The following CD55 variants were observed in gnomAD, a reference collection of about 807,000 sequenced individuals.
CD55 encodes CD55 molecule (Cromer blood group).
Under a neutral mutation model 45.8 loss-of-function variants are expected in CD55, and 41 were observed. That is an observed-to-expected ratio of 0.90 (90% confidence interval 0.70 to 1.16). CD55 has a LOEUF of 1.16. CD55 is among the 50% of genes most tolerant of loss of function. The pLI, the probability that CD55 is intolerant of heterozygous loss-of-function variation, is 0.00. For synonymous variants in CD55, 181 were observed against 181.1 expected, an observed-to-expected ratio of 1.00 and a Z score of 0.01; for missense variants, 416 against 469.8, an observed-to-expected ratio of 0.89 and a Z score of 1.06.
At chr1:207,339,899 CTG>C (rs1655346321) in intron 9 of CD55, among the ~76,000 whole-genome samples, 1 of 152,138 alleles carries the variant, frequency 6.6e-6, no homozygotes, top group Admixed American at 6.5e-5. Context: ...CATGCATGGA[CTG>C]TGTGATTCTC....
chr1:207,358,043 T>C (rs540967984), intron 9 of CD55, among the ~76,000 whole-genome samples: 1 of 152,326 alleles, frequency 6.6e-6, no homozygotes, highest in Non-Finnish European at 1.5e-5. Flanking sequence ...AAACCACAGA[T>C]AAGCAGACTA....
intron 9 of CD55, chr1:207,340,766 A>G: frequency 4.5e-6 from 2 of 446,150 alleles, no homozygotes. Flanking sequence ...GAATGCACAT[A>G]TCTTTTTGAT....
At chr1:207,357,140 A>G (rs890908560) in intron 9 of CD55, among the ~76,000 whole-genome samples, 5 of 152,192 alleles carry the variant, frequency 3.3e-5, no homozygotes, top group South Asian at 2.1e-4. Context: ...TCTTTAACTC[A>G]CTAAATGAGT....
chr1:207,347,538 G>A (rs1216590320), intron 9 of CD55: 3 of 255,476 alleles, frequency 1.2e-5, no homozygotes, highest in Non-Finnish European at 2.4e-5. Context: ...GGGATTACAG[G>A]CGTGAGCCAC....
In CD55 at chr1:207,359,926, G is replaced by GT. The variant is rs1176662094; in HGVS notation, c.*317dup. 3 of 236,716 alleles carry GT rather than the reference G, an allele frequency of 1.3e-5. No individual in the cohort carries two copies. The highest frequency in any genetic ancestry group is 2.4e-5 in the Non-Finnish European group (3 of 124,270). 14.7% of individuals were successfully genotyped at this position (236,716 alleles called of 1,614,324 possible). On this transcript the variant is annotated 3_prime_UTR_variant, in exon 10 of 10. Coordinates refer to ENST00000367064, the MANE Select transcript of CD55 (RefSeq NM_000574.5). Reference sequence around the variant, plus strand: ...GGATCACGAGGAAAAGAGAAGGAAAGTGATTTTTTTCCACAAGATCTGTAA... The same window carrying GT: ...GGATCACGAGGAAAAGAGAAGGAAAGTTGATTTTTTTCCACAAGATCTGTAA...
intron 9 of CD55, among the ~76,000 whole-genome samples, chr1:207,358,304 A>G (rs1464038905): frequency 6.6e-6 from 1 of 152,202 alleles, no homozygotes; most frequent in Non-Finnish European, 1.5e-5. Flanking sequence ...AAGACAGGAT[A>G]TAGTTAATGT....
chr1:207,328,494 G>A (rs1654786859), intron 5 of CD55, among the ~76,000 whole-genome samples: 1 of 152,208 alleles, frequency 6.6e-6, no homozygotes, highest in Admixed American at 6.5e-5. Context: ...ATATGGATAC[G>A]AAGAAGGAAA....
At chr1:207,325,867 T>C (rs977187996) in intron 4 of CD55, 146 bp downstream of exon 4, 2 of 425,680 alleles carry the variant, frequency 4.7e-6, no homozygotes, top group Non-Finnish European at 8.4e-6. Flanking sequence ...CATCATGAGC[T>C]CATCACAGTT....
rs567156112 is a variant in CD55 at position 207,326,823 on chromosome 1, T to G, written c.650T>G (p.Leu217Trp). 2.1e-5 allele frequency: 34 copies of G among 1,613,188 alleles called. No homozygotes were observed. In the East Asian group the frequency reaches 6.0e-4, roughly 29 times the overall value. The change falls in exon 5 of 10, where the codon TTG (leucine) becomes TGG (tryptophan). Residue 217 changes from leucine to tryptophan, a missense_variant. By Grantham distance (61) the Leu-to-Trp change is moderately conservative. Coordinates refer to ENST00000367064, the MANE Select transcript of CD55 (RefSeq NM_000574.5). ...SGSSVQWSDP[L>W]PECREIYCPA... ...AGCTCTGTCCAGTGGAGTGACCCGT[T>G]GCCAGAGTGCAGAGGTAAGAGTTAA...
intron 9 of CD55, chr1:207,347,580 T>C: frequency 4.5e-6 from 1 of 222,734 alleles, no homozygotes; most frequent in South Asian, 5.9e-5. Context: ...ATTTTTTTTC[T>C]TCCACCTTTT....
chr1:207,350,749 A>G (rs1046059934), intron 9 of CD55, among the ~76,000 whole-genome samples: 1 of 151,938 alleles, frequency 6.6e-6, no homozygotes, highest in Non-Finnish European at 1.5e-5. Context: ...CTCTCTCTTT[A>G]TTAATCTAGC....
rs56236833 is a variant in CD55 at position 207,359,516 on chromosome 1, C to CTTTTTTTTT, written c.1082-18_1082-10dup. The CTTTTTTTTT allele has an allele frequency of 1.4e-5, 18 of 1,284,846 alleles. 1 individual carries two copies. The highest frequency in any genetic ancestry group is 6.0e-5 in the East Asian group (2 of 33,336). 79.6% of individuals were successfully genotyped at this position (1,284,846 alleles called of 1,614,324 possible). ...GTAAATAAAATCATTTTGATTTTAACTTTTTTTTTTTTTTTTTTTTAATTT... is the reference window on the plus strand; with the variant it reads ...GTAAATAAAATCATTTTGATTTTAACTTTTTTTTTTTTTTTTTTTTTTTTTTTTTAATTT... On this transcript the variant is annotated intron_variant, in intron 9 of 9. Coordinates refer to ENST00000367064, the MANE Select transcript of CD55 (RefSeq NM_000574.5).
chr1:207,334,565 G>C (rs2102402893), intron 6 of CD55, among the ~76,000 whole-genome samples: 1 of 152,194 alleles, frequency 6.6e-6, no homozygotes, highest in Admixed American at 6.5e-5. Context: ...GGCAGAAAGA[G>C]GTAAATTCAT....
intron 9 of CD55, among the ~76,000 whole-genome samples, chr1:207,342,626 A>G (rs987951118): frequency 3.9e-5 from 6 of 152,090 alleles, no homozygotes; most frequent in Admixed American, 2.6e-4. Flanking sequence ...TTTTGTGTCT[A>G]TATTCATCAA....
At position 207,354,075 on chromosome 1, in the gene CD55, C is replaced by T. The variant is rs1244444521; in HGVS notation, c.1082-5471C>T. 3.3e-6 allele frequency: 5 copies of T among 1,533,418 alleles called. No homozygotes were observed. In the East Asian group the frequency reaches 9.8e-5, roughly 30 times the overall value. 95.0% of individuals were successfully genotyped at this position (1,533,418 alleles called of 1,614,324 possible). A position where few individuals can be genotyped will look rare whatever the true frequency, so the allele number is the denominator to read the frequency against. ...TTCTTCAAAAAAGATGATGTGCATC[C>T]TCTAGGTCACTCCAGTTCTTGGAGG... On this transcript the variant is annotated intron_variant, in intron 9 of 9. Coordinates refer to ENST00000367064, the MANE Select transcript of CD55 (RefSeq NM_000574.5).
At chr1:207,354,134 C>A (rs1558159247) in intron 9 of CD55, 1 of 1,509,694 alleles carries the variant, frequency 6.6e-7, no homozygotes, top group African/African-American at 1.4e-5. Context: ...GGTTCTTTGG[C>A]AGTGAAGATG....
intron 9 of CD55, among the ~76,000 whole-genome samples, chr1:207,357,944 G>C (rs1558160917): frequency 6.6e-6 from 1 of 152,104 alleles, no homozygotes; most frequent in Non-Finnish European, 1.5e-5. Context: ...TGTAGCAAAA[G>C]TTATGTGAAT....
intron 9 of CD55, among the ~76,000 whole-genome samples, chr1:207,352,483 A>C (rs986317132): frequency 6.6e-6 from 1 of 152,180 alleles, no homozygotes; most frequent in Non-Finnish European, 1.5e-5. Flanking sequence ...AGACAAAATC[A>C]TATAGAAGAA....
intron 9 of CD55, among the ~76,000 whole-genome samples, chr1:207,348,724 T>C (rs531414767): frequency 3.7e-4 from 56 of 152,346 alleles, no homozygotes; most frequent in Admixed American, 1.3e-3. Flanking sequence ...AATTCTTTAA[T>C]CCATATTGAG....
Sources: gnomAD v4.1 joint callset for allele counts (sites outside exome capture counted in the v4.1 genomes callset) on GRCh38, gnomAD v4.1.1 for gene constraint, MANE v1.5 for transcripts, NCBI Gene and HGNC (gene_info 2026-07-23, HGNC 2026-07-21) for gene names.